Variants in CCDC144A observed in about 807,000 individuals in gnomAD.
CCDC144A encodes the protein coiled-coil domain-containing protein 144A.
In CCDC144A, 41 loss-of-function variants were observed where a neutral mutation model predicts 143.8. That is an observed-to-expected ratio of 0.29 (90% CI 0.22 to 0.37). CCDC144A has a LOEUF of 0.37. Among genes scored for constraint, CCDC144A ranks in the 10% least tolerant of loss-of-function variants. The pLI is 1.00. For synonymous variants in CCDC144A, 242 were observed against 517.9 expected (o/e 0.47, Z 7.23); for missense variants, 637 against 1,488.8 (o/e 0.43, Z 9.41).
intron 9 of CCDC144A, 154 bp downstream of exon 9, chr17:16,727,894 A>ATTTCC (rs1913509019): frequency 3.3e-6 from 1 of 307,488 alleles, no homozygotes; most frequent in South Asian, 3.1e-5. Flanking sequence ...CAAATTATTA[A>ATTTCC]CTGTGAACTC....
chr17:16,722,130 G>C (rs1015215160), intron 8 of CCDC144A, among the ~76,000 whole-genome samples: 3 of 152,026 alleles, frequency 2.0e-5, no homozygotes, highest in African/African-American at 7.3e-5. Flanking sequence ...TGGTTACTGA[G>C]AGGGATTTTT....
At chr17:16,723,192 C>G (rs1913195462) in intron 8 of CCDC144A, among the ~76,000 whole-genome samples, 1 of 151,960 alleles carries the variant, frequency 6.6e-6, no homozygotes, top group African/African-American at 2.4e-5. Flanking sequence ...TAGGACAGTT[C>G]ATGTTATTCC....
At chr17:16,683,390 T>C in the CCDC144A span, 1 of 703,750 alleles carries the variant, frequency 1.4e-6, no homozygotes, top group South Asian at 1.9e-5. Context: ...TTTGTAAAAT[T>C]AGTGGTTCTT....
At chr17:16,721,850 A>C (rs1324010554) in intron 8 of CCDC144A, among the ~76,000 whole-genome samples, 1 of 152,220 alleles carries the variant, frequency 6.6e-6, no homozygotes, top group Non-Finnish European at 1.5e-5. Flanking sequence ...GCTGCCCCGC[A>C]GGTTGGATTT....
intron 5 of CCDC144A, 47 bp downstream of exon 5, chr17:16,709,682 T>C: frequency 6.4e-7 from 1 of 1,565,794 alleles, no homozygotes; most frequent in Non-Finnish European, 8.6e-7. Flanking sequence ...CTCAATTATC[T>C]GGTCCATTCT....
At chr17:16,762,822 T>C (rs1915436358) in intron 14 of CCDC144A, among the ~76,000 whole-genome samples, 3 of 151,958 alleles carry the variant, frequency 2.0e-5, no homozygotes, top group Admixed American at 2.0e-4. Flanking sequence ...TCTTATATAG[T>C]TAACCTGATC....
intron 12 of CCDC144A, among the ~76,000 whole-genome samples, chr17:16,757,550 C>T (rs542945289): frequency 6.6e-6 from 1 of 152,352 alleles, no homozygotes; most frequent in African/African-American, 2.4e-5. Context: ...GCACTGATAG[C>T]AACAATAGCA....
At chr17:16,758,574 G>A (rs2143354620) in intron 12 of CCDC144A, among the ~76,000 whole-genome samples, 1 of 152,342 alleles carries the variant, frequency 6.6e-6, no homozygotes, top group East Asian at 1.9e-4. Flanking sequence ...TTAGACCATA[G>A]AAATTCTGAA....
intron 12 of CCDC144A, chr17:16,746,271 C>CTTTTTTT: frequency 5.1e-6 from 4 of 778,982 alleles, no homozygotes; most frequent in African/African-American, 2.3e-5. Flanking sequence ...CTCTCTCTCT[C>CTTTTTTT]TTTTTTTTTT....
At chr17:16,772,137 A>G (rs1915845377) in intron 16 of CCDC144A, 118 bp downstream of exon 16, 14 of 632,650 alleles carry the variant, frequency 2.2e-5, no homozygotes, top group South Asian at 4.4e-5. Flanking sequence ...ATATTCTTTC[A>G]TATACATCTA....
chr17:16,685,370 TTTG>T (rs951398788), upstream of CCDC144A, among the ~76,000 whole-genome samples: 32 of 151,790 alleles, frequency 2.1e-4, no homozygotes, highest in African/African-American at 7.3e-4. Context: ...AACGCCGTTT[TTTG>T]TTGTTGTTGT....
At chr17:16,712,032 A>T (rs1912480337) in intron 6 of CCDC144A, 2 of 638,562 alleles carry the variant, frequency 3.1e-6, no homozygotes, top group South Asian at 4.0e-5. Flanking sequence ...CAGGAGGCTG[A>T]GGCAAGAGAA....
chr17:16,686,657 T>G (rs1021477068), upstream of CCDC144A, among the ~76,000 whole-genome samples: 4 of 150,844 alleles, frequency 2.7e-5, no homozygotes, highest in Admixed American at 1.3e-4. Context: ...AAAAAATTGT[T>G]TTTTTTTTGA....
rs537107186 is a variant in CCDC144A at position 16,703,535 on chromosome 17, T to A, written c.416-1616T>A. ...AAAACAAGCATGCGGCCGGGCGTGG[T>A]GGCTAACGCCTGTAATGCCAGCACT... On this transcript the variant is annotated intron_variant, in intron 2 of 16. Coordinates refer to ENST00000399273, the MANE Select transcript of CCDC144A (RefSeq NM_001382000.1). Among the ~76,000 whole-genome samples, 418 of 152,344 alleles carry A rather than the reference T, an allele frequency of 2.7e-3. 2 individuals carry two copies. The highest frequency in any genetic ancestry group is 9.8e-3 in the African/African-American group (407 of 41,582).
At chr17:16,717,332 G>A (rs1420679810) in intron 6 of CCDC144A, among the ~76,000 whole-genome samples, 1 of 151,272 alleles carries the variant, frequency 6.6e-6, no homozygotes, top group Non-Finnish European at 1.5e-5. Context: ...GGATGGTCTC[G>A]ATCTATTGAC....
chr17:16,697,394 A>G (rs1911479003), intron 2 of CCDC144A, among the ~76,000 whole-genome samples: 1 of 152,362 alleles, frequency 6.6e-6, no homozygotes, highest in South Asian at 2.1e-4. Context: ...TTACAAAACT[A>G]TAAGGCAGAC....
the CCDC144A span, among the ~76,000 whole-genome samples, chr17:16,672,432 C>A: frequency 2.0e-5 from 3 of 151,602 alleles, no homozygotes; most frequent in African/African-American, 7.3e-5. Flanking sequence ...GGGACAAAAG[C>A]AAAACTCCAT....
chr17:16,762,791 C>T (rs1915434968), intron 14 of CCDC144A, among the ~76,000 whole-genome samples: 1 of 152,132 alleles, frequency 6.6e-6, no homozygotes, highest in African/African-American at 2.4e-5. Flanking sequence ...TTTTATGTGG[C>T]TTCCCCCAAC....
chr17:16,694,367 G>A lies in CCDC144A; in HGVS notation c.415+1318G>A, dbSNP rs539051222. 3.8e-3 allele frequency among the ~76,000 whole-genome samples: 584 copies of A among 152,306 alleles called. 6 individuals carry two copies. Among genetic ancestry groups the A allele is most frequent in the African/African-American group, 0.013 (556 of 41,556 alleles). Reference sequence around the variant, plus strand: ...AGGCCTAGGTGGGAGGATCGCCTGTGTCCAGAAGTTCCAGACCAGCCTGGG... The same window carrying A: ...AGGCCTAGGTGGGAGGATCGCCTGTATCCAGAAGTTCCAGACCAGCCTGGG... On this transcript the variant is annotated intron_variant, in intron 2 of 16. Transcript: ENST00000399273.
Sources: allele counts gnomAD v4.1 joint callset (sites outside exome capture counted in the v4.1 genomes callset), GRCh38; gene constraint gnomAD v4.1.1; transcripts MANE v1.5; gene names NCBI Gene and HGNC (gene_info 2026-07-23, HGNC 2026-07-21).